Variants in FRMD4B observed in about 807,000 individuals in gnomAD.
FRMD4B encodes the protein FERM domain containing 4B.
A neutral mutation model predicts 141.5 loss-of-function variants in FRMD4B; 74 were observed. The observed-to-expected ratio is 0.52, with a 90% CI of 0.43 to 0.63. FRMD4B has a LOEUF of 0.63. FRMD4B is among the 30% of genes least tolerant of loss of function. The pLI is 0.00. For missense variants in FRMD4B, 1,366 were observed against 1,253.4 expected, an observed-to-expected ratio of 1.09 and a Z score of -1.36; for synonymous variants, 506 against 467.9, an observed-to-expected ratio of 1.08 and a Z score of -1.05.
At chr3:69,244,179 G>A (rs114460818) in intron 7 of FRMD4B, among the ~76,000 whole-genome samples, 2,701 of 152,284 alleles carry the variant, frequency 0.018, 86 homozygotes, top group African/African-American at 0.061. Flanking sequence ...ATCAGCAGAA[G>A]GAAATCTGTC....
chr3:69,455,238 G>A (rs1369125866), intron 1 of FRMD4B, among the ~76,000 whole-genome samples: 2 of 152,224 alleles, frequency 1.3e-5, no homozygotes, highest in Admixed American at 6.5e-5. Flanking sequence ...TCAGCTAAGG[G>A]AATAAAAGCA....
chr3:69,173,040 A>G (rs953374509), intron 22 of FRMD4B, among the ~76,000 whole-genome samples: 1 of 152,214 alleles, frequency 6.6e-6, no homozygotes, highest in Non-Finnish European at 1.5e-5. Context: ...TACTGTACTT[A>G]CTACAGCTGG....
chr3:69,452,143 A>T (rs1179722085), intron 1 of FRMD4B, among the ~76,000 whole-genome samples: 9 of 152,270 alleles, frequency 5.9e-5, no homozygotes, highest in Admixed American at 5.9e-4. Flanking sequence ...TCACCAGATT[A>T]TTTACTAAGT....
intron 1 of FRMD4B, among the ~76,000 whole-genome samples, chr3:69,479,100 C>T (rs1384757921): frequency 7.0e-6 from 1 of 143,566 alleles, no homozygotes; most frequent in East Asian, 2.1e-4. Context: ...CTATGTGTGT[C>T]TCTGCACATG....
At chr3:69,227,314 C>T (rs557951583) in intron 7 of FRMD4B, among the ~76,000 whole-genome samples, 45 of 151,910 alleles carry the variant, frequency 3.0e-4, no homozygotes, top group Middle Eastern at 3.4e-3. Context: ...CTAAAATGTG[C>T]GTTAATAGGG....
intron 5 of FRMD4B, among the ~76,000 whole-genome samples, chr3:69,262,981 G>A (rs981836266): frequency 1.6e-4 from 24 of 152,060 alleles, no homozygotes; most frequent in Admixed American, 6.6e-5. Flanking sequence ...ATTGTAGGCT[G>A]GGCACGGTGG....
chr3:69,490,486 A>G (rs1018943136), intron 1 of FRMD4B, among the ~76,000 whole-genome samples: 2 of 151,974 alleles, frequency 1.3e-5, no homozygotes, highest in African/African-American at 2.4e-5. Context: ...GGCGTTTGCA[A>G]TGGTGCTTCC....
chr3:69,194,883 C>A, intron 16 of FRMD4B, 139 bp downstream of exon 16: 1 of 653,220 alleles, frequency 1.5e-6, no homozygotes, highest in Admixed American at 3.4e-5. Flanking sequence ...AGAAAGAGTT[C>A]AATTTGGTCT....
rs536206501 is a variant in FRMD4B at position 69,284,415 on chromosome 3, T to G, written c.501+3337A>C. ...TGGTGCCTATTCCCACCAGCCAGAA[T>G]AAAAAACTCATAATTCATGGGGCAT... On this transcript the variant is annotated intron_variant, in intron 5 of 22. Coordinates refer to ENST00000398540, the MANE Select transcript of FRMD4B (RefSeq NM_015123.3). 6.3e-4 allele frequency among the ~76,000 whole-genome samples: 95 copies of G among 151,980 alleles called. 1 individual carries two copies. The highest frequency in any genetic ancestry group is 1.2e-3 in the Non-Finnish European group (83 of 67,958).
At chr3:69,502,217 T>A (rs1435402364) in intron 1 of FRMD4B, among the ~76,000 whole-genome samples, 5 of 152,200 alleles carry the variant, frequency 3.3e-5, no homozygotes, top group Non-Finnish European at 7.3e-5. Context: ...AGAGCCTGCA[T>A]TGCCAAGTCA....
chr3:69,278,915 G>T (rs60975279), intron 5 of FRMD4B, among the ~76,000 whole-genome samples: 5,506 of 152,100 alleles, frequency 0.036, 131 homozygotes, highest in East Asian at 0.11. Context: ...AGTACTTTAG[G>T]AAACAGTAAT....
chr3:69,438,119 G>A (rs1285066446), intron 1 of FRMD4B, among the ~76,000 whole-genome samples: 1 of 148,038 alleles, frequency 6.8e-6, no homozygotes, highest in Non-Finnish European at 1.5e-5. Flanking sequence ...CATATATACT[G>A]TCAAGATAGG....
intron 1 of FRMD4B, among the ~76,000 whole-genome samples, chr3:69,347,200 G>T (rs574260919): frequency 1.0e-3 from 153 of 152,242 alleles, no homozygotes; most frequent in African/African-American, 3.6e-3. Context: ...TGATAAAACA[G>T]ACTTTAAACC....
At chr3:69,310,940 A>C (rs1348717937) in intron 3 of FRMD4B, among the ~76,000 whole-genome samples, 1 of 152,176 alleles carries the variant, frequency 6.6e-6, no homozygotes, top group Non-Finnish European at 1.5e-5. Context: ...AATATCTAAT[A>C]TTTCTACCAT....
chr3:69,312,814 G>A (rs1391087066), intron 2 of FRMD4B, among the ~76,000 whole-genome samples: 19 of 152,118 alleles, frequency 1.2e-4, no homozygotes, highest in Admixed American at 3.9e-4. Context: ...ACTTGAACCC[G>A]GGAGGCAGAG....
At chr3:69,225,704 AAAAAAAAAAAAAAAAAAAAAAAAAGAG>A (rs1424135559) in intron 7 of FRMD4B, among the ~76,000 whole-genome samples, 3 of 34,888 alleles carry the variant, frequency 8.6e-5, no homozygotes, top group Non-Finnish European at 7.2e-5. Context: ...CAAAAAAAAA[AAAAAAAAAAAAAAAAAAAAAAAAAGAG>A]GGAGAACACG....
At chr3:69,534,122 T>G (rs1701046944) in intron 1 of FRMD4B, among the ~76,000 whole-genome samples, 1 of 152,222 alleles carries the variant, frequency 6.6e-6, no homozygotes, top group Admixed American at 6.5e-5. Flanking sequence ...GTGCACCAAG[T>G]TCAGGAAATA....
chr3:69,204,425 G>T (rs1034273698), intron 11 of FRMD4B, among the ~76,000 whole-genome samples: 2 of 152,072 alleles, frequency 1.3e-5, no homozygotes, highest in African/African-American at 4.8e-5. Flanking sequence ...CTGCAAATTC[G>T]CCTGGAAATG....
At chr3:69,421,243 T>C (rs770957353) in intron 2 of FRMD4B, among the ~76,000 whole-genome samples, 5 of 152,256 alleles carry the variant, frequency 3.3e-5, no homozygotes, top group Non-Finnish European at 7.3e-5. Context: ...GCCCTTGAAT[T>C]CTGGTGCCAG....
Sources: allele counts gnomAD v4.1 joint callset (sites outside exome capture counted in the v4.1 genomes callset), GRCh38; gene constraint gnomAD v4.1.1; transcripts MANE v1.5; gene names NCBI Gene and HGNC (gene_info 2026-07-23, HGNC 2026-07-21).